Variants in BRF1 observed in about 807,000 individuals in gnomAD.
BRF1 encodes transcription factor IIIB 90 kDa subunit.
BRF1 carries 59 observed loss-of-function variants against 81.7 expected under a neutral mutation model. That is an observed-to-expected ratio of 0.72 (90% confidence interval 0.59 to 0.90). BRF1 has a LOEUF of 0.90. BRF1 is among the 40% of genes least tolerant of loss of function. The pLI is 0.00. For synonymous variants in BRF1, 491 were observed against 395.6 expected (o/e 1.24, Z -2.86); for missense variants, 1,050 against 936.3 (o/e 1.12, Z -1.58).
chr14:105,210,563 G>T lies in BRF1; in HGVS notation c.2022C>A (p.Asp674Glu), dbSNP rs587727146. 1.8e-5 allele frequency: 29 copies of T among 1,611,418 alleles called. No homozygotes were observed. The highest frequency in any genetic ancestry group is 2.4e-5 in the Non-Finnish European group (28 of 1,179,858). ...SNDYGCDGDE[D>E]DGY is the part of the protein sequence containing the mutation. ...TGGAGGCCACACTTCAGTAGCCGTC[G>T]TCCTCATCGCCATCACAGCCATAGT... The change falls in exon 18 of 18, where the codon GAC (aspartate) becomes GAA (glutamate). Residue 674 changes from aspartate to glutamate, a missense_variant. Coordinates refer to ENST00000547530, the MANE Select transcript of BRF1 (RefSeq NM_001519.4). This position sits in a 1 kb window ranked among gnomAD's most constrained non-coding sequence, Gnocchi z 4.7.
intron 3 of BRF1, among the ~76,000 whole-genome samples, chr14:105,261,714 C>A (rs587706067): frequency 1.3e-5 from 2 of 152,392 alleles, no homozygotes; most frequent in South Asian, 4.1e-4. Flanking sequence ...TAGAGCCCCA[C>A]AGAAAGGGCT....
intron 1 of BRF1, among the ~76,000 whole-genome samples, chr14:105,299,557 A>T (rs1042780872): frequency 6.6e-6 from 1 of 152,226 alleles, no homozygotes; most frequent in African/African-American, 2.4e-5. Context: ...CCTGGGCCAC[A>T]GAGTGAGATC....
At chr14:105,222,753 T>C (rs12100976) in intron 10 of BRF1, among the ~76,000 whole-genome samples, 48,136 of 151,818 alleles carry the variant, frequency 0.32, 8,721 homozygotes, top group African/African-American at 0.49. Flanking sequence ...CTCAGCCTCC[T>C]GAGTAGCTGG....
At chr14:105,242,663 A>AGGT (rs1235349508) in intron 5 of BRF1, 2 of 128,142 alleles carry the variant, frequency 1.6e-5, no homozygotes, top group Non-Finnish European at 3.1e-5. Flanking sequence ...TGAACCAGGG[A>AGGT]GGTGGAGGTT....
At chr14:105,262,892 G>A (rs587773365) in intron 3 of BRF1, among the ~76,000 whole-genome samples, 1 of 151,970 alleles carries the variant, frequency 6.6e-6, no homozygotes, top group African/African-American at 2.4e-5. Context: ...ATTGCCTGAG[G>A]ACAGGAGTTC....
chr14:105,217,564 A>G lies in BRF1; in HGVS notation c.1752T>C (p.Pro584=), dbSNP rs1256370415. ...GGTACCTTTTCCCCACACTGGTCAC[A>G]GGGTCAGCCCCACTTCTGCTGGCCG... is the stretch of plus-strand genomic sequence containing the variant. ...RTPASRSGAD[P]VTSVGKRLRP... is the part of the protein sequence containing the mutation. The change falls in exon 15 of 18, where the codon CCT becomes CCC. Residue 584 remains proline, a synonymous_variant. Coordinates refer to ENST00000547530, the MANE Select transcript of BRF1 (RefSeq NM_001519.4). 1.2e-6 allele frequency: 2 copies of G among 1,613,300 alleles called. No homozygotes were observed. Among genetic ancestry groups the G allele is most frequent in the Admixed American group, 3.3e-5 (2 of 60,002 alleles).
chr14:105,258,727 A>C (rs2140333725), intron 3 of BRF1, among the ~76,000 whole-genome samples: 1 of 152,032 alleles, frequency 6.6e-6, no homozygotes, highest in African/African-American at 2.4e-5. Context: ...TGAACCCAGG[A>C]AGCAGAAGTT....
In BRF1 at chr14:105,286,386, CA is replaced by C. The variant is rs1377600647; in HGVS notation, c.185-11del. The C allele has an allele frequency of 6.2e-7, 1 of 1,610,238 alleles. No individual in the cohort carries two copies. ...GGGGTTTTGCCAGCACCTGGAAACA[CA>C]AAAAAAGACAGATCAGCCAAAACTT... On this transcript the variant is annotated splice_polypyrimidine_tract_variant and intron_variant, in intron 1 of 17. Transcript: ENST00000547530.
At position 105,209,519 on chromosome 14, in the gene BRF1, C is replaced by G. The variant is rs1331678247; in HGVS notation, c.*1032G>C. On this transcript the variant is annotated 3_prime_UTR_variant, in exon 18 of 18. Transcript: ENST00000547530. ...CCTCAAGGCCACCCCCTCCTAAGGA[C>G]ACAGGGTGAAGCCCCCTCGGCCACA... The G allele has an allele frequency of 7.1e-6, 5 of 702,362 alleles. No individual in the cohort carries two copies. Among genetic ancestry groups the G allele is most frequent in the Non-Finnish European group, 1.3e-5 (5 of 384,816 alleles). 43.5% of individuals were successfully genotyped at this position (702,362 alleles called of 1,614,324 possible). A position where few individuals can be genotyped will look rare whatever the true frequency, so the allele number is the denominator to read the frequency against.
rs748469625 is a variant in BRF1, at chr14:105,248,106, C to G, written c.544+4401G>C. On this transcript the variant is annotated intron_variant, in intron 5 of 17. Coordinates refer to ENST00000547530, the MANE Select transcript of BRF1 (RefSeq NM_001519.4). ...GTGCCTATTTCCTCGAGGAAAATGCCGGGAAATAGCAGCGCCTGCCCCTGT... is the reference window on the plus strand; with the variant it reads ...GTGCCTATTTCCTCGAGGAAAATGCGGGGAAATAGCAGCGCCTGCCCCTGT... 44 of 985,332 alleles carry G rather than the reference C, an allele frequency of 4.5e-5. No homozygotes were observed. The Middle Eastern group carries it at 1.5e-3, about 35-fold the overall frequency. 61.0% of individuals were successfully genotyped at this position (985,332 alleles called of 1,614,324 possible). A position where few individuals can be genotyped will look rare whatever the true frequency, so the allele number is the denominator to read the frequency against.
chr14:105,211,416 G>A (rs587730960), intron 16 of BRF1, 123 bp from the exon 17 acceptor site: 6 of 986,934 alleles, frequency 6.1e-6, no homozygotes, highest in African/African-American at 3.3e-5. Context: ...AGTGGCTCCC[G>A]GGGTTGGCCA....
In BRF1 at chr14:105,241,314, C is replaced by G. The variant is rs913549604; in HGVS notation, c.645G>C (p.Lys215Asn). 1.2e-6 allele frequency: 2 copies of G among 1,612,614 alleles called. No individual in the cohort carries two copies. The highest frequency in any genetic ancestry group is 1.3e-5 in the African/African-American group (1 of 74,946). Residue 215 changes from lysine to asparagine, a missense_variant, in exon 6 of 18, where the codon AAG (lysine) becomes AAC (asparagine). This residue lies in a region of BRF1 where 1,043 missense variants were observed against 915.4 expected (regional missense o/e 1.14). Transcript: ENST00000547530. ...GCCGGCCTGTGTGCATCCAGTCCCG[C>G]TTCATCCTCTGTAGGAGCCTCAGGG... ...MTALRLLQRM[K>N]RDWMHTGRRP...
Position 105,209,509 on chromosome 14 carries a change from C to A in BRF1, c.*1042G>T. 1 of 702,228 alleles carries A rather than the reference C, an allele frequency of 1.4e-6. No homozygotes were observed. The highest frequency in any genetic ancestry group is 2.7e-5 in the East Asian group (1 of 37,238). The allele number at this position is 702,228 out of a possible 1,614,324, so 43.5% of individuals were successfully genotyped here. A position where few individuals can be genotyped will look rare whatever the true frequency, so the allele number is the denominator to read the frequency against. On this transcript the variant is annotated 3_prime_UTR_variant, in exon 18 of 18. Coordinates refer to ENST00000547530, the MANE Select transcript of BRF1 (RefSeq NM_001519.4). ...CACGGCTCTGCCTCAAGGCCACCCC[C>A]TCCTAAGGACACAGGGTGAAGCCCC... is the stretch of plus-strand genomic sequence containing the variant.
intron 3 of BRF1, among the ~76,000 whole-genome samples, chr14:105,270,165 T>C (rs12885339): frequency 1.5e-5 from 2 of 130,802 alleles, no homozygotes; most frequent in Non-Finnish European, 3.1e-5. Flanking sequence ...TTTCAAAATG[T>C]TGAAAGGACT....
chr14:105,302,272 C>T (rs1221893297), upstream of BRF1, among the ~76,000 whole-genome samples: 4 of 143,070 alleles, frequency 2.8e-5, no homozygotes, highest in South Asian at 2.3e-4. Flanking sequence ...GGTGAGATAT[C>T]GGCTCACTGC....
At chr14:105,274,501 C>T (rs587659224) in intron 2 of BRF1, among the ~76,000 whole-genome samples, 1 of 152,300 alleles carries the variant, frequency 6.6e-6, no homozygotes, top group East Asian at 1.9e-4. Context: ...CCCAGCAGAC[C>T]GGAGGCCACT....
At position 105,261,771 on chromosome 14, in the gene BRF1, G is replaced by A. The variant is rs139723570; in HGVS notation, c.440-5222C>T. Reference sequence around the variant, plus strand: ...GCAGGGGCCGGCAGGGCCCCACCCTGAGCGGACACCAGCATTCCCGGCCCC... The same window carrying A: ...GCAGGGGCCGGCAGGGCCCCACCCTAAGCGGACACCAGCATTCCCGGCCCC... On this transcript the variant is annotated intron_variant, in intron 3 of 17. Coordinates refer to ENST00000547530, the MANE Select transcript of BRF1 (RefSeq NM_001519.4). 8.7e-4 allele frequency among the ~76,000 whole-genome samples: 132 copies of A among 152,356 alleles called. 3 individuals are homozygous for A. The East Asian group carries it at 0.02, about 24-fold the overall frequency.
rs587598968 is a variant in BRF1 at position 105,273,876 on chromosome 14, G to A, written c.266-982C>T. On this transcript the variant is annotated intron_variant, in intron 2 of 17. Transcript: ENST00000547530. ...CTCGTGGGATGAGAAAGACCTGACC[G>A]TCCCCCAGCCCGACACCCGTGAAGG... Among the ~76,000 whole-genome samples, 6 of 152,314 alleles carry A rather than the reference G, an allele frequency of 3.9e-5. No homozygotes were observed. The East Asian group carries it at 5.8e-4, about 15-fold the overall frequency.
intron 5 of BRF1, among the ~76,000 whole-genome samples, chr14:105,243,600 A>C (rs1252081120): frequency 6.6e-6 from 1 of 151,702 alleles, no homozygotes; most frequent in Non-Finnish European, 1.5e-5. Flanking sequence ...CCTGGGCAAC[A>C]GAAAAAAAAA....
Sources: gnomAD v4.1 joint callset for allele counts (sites outside exome capture counted in the v4.1 genomes callset) on GRCh38, gnomAD v4.1.1 for gene constraint, gnomAD v4.1.1 regional missense constraint, Gnocchi (gnomAD v3.1) non-coding constraint, MANE v1.5 for transcripts, NCBI Gene and HGNC (gene_info 2026-07-23, HGNC 2026-07-21) for gene names.